The following FARS2 variants were observed in gnomAD, a reference collection of about 807,000 sequenced individuals.
FARS2 encodes phenylalanyl-tRNA synthetase 2, mitochondrial, also known as phenylalanine--tRNA ligase, mitochondrial.
Under a neutral mutation model 46.4 loss-of-function variants are expected in FARS2, and 40 were observed. The ratio of observed to expected loss-of-function variants is 0.86; its 90% CI spans 0.67 to 1.12. FARS2 has a LOEUF of 1.12. Among genes scored for constraint, FARS2 ranks in the 50% most tolerant of loss-of-function variants. FARS2 has a pLI of 0.00. For missense variants in FARS2, 513 were observed against 567.9 expected (o/e 0.90, Z 0.98); for synonymous variants, 234 against 214.9 (o/e 1.09, Z -0.78).
chr6:5,390,326 G>A (rs17133279), intron 2 of FARS2, among the ~76,000 whole-genome samples: 11,410 of 152,242 alleles, frequency 0.075, 887 homozygotes, highest in African/African-American at 0.2. Context: ...TTTCATCAGC[G>A]TTAGGATTAA....
chr6:5,611,801 G>T (rs562434227), intron 5 of FARS2, among the ~76,000 whole-genome samples: 1 of 152,158 alleles, frequency 6.6e-6, no homozygotes, highest in African/African-American at 2.4e-5. Context: ...TGTTTCATTG[G>T]GACACCTTCT....
intron 6 of FARS2, among the ~76,000 whole-genome samples, chr6:5,672,953 A>T (rs1446849107): frequency 6.6e-6 from 1 of 152,128 alleles, no homozygotes; most frequent in Non-Finnish European, 1.5e-5. Context: ...GTGACACCCT[A>T]GCCATTTGTT....
At chr6:5,590,057 T>G (rs574883135) in intron 5 of FARS2, among the ~76,000 whole-genome samples, 7 of 152,306 alleles carry the variant, frequency 4.6e-5, no homozygotes, top group Admixed American at 2.6e-4. Flanking sequence ...CCTAAGGTGG[T>G]TTTTGAAGAT....
At chr6:5,550,768 G>A (rs973118552) in intron 5 of FARS2, among the ~76,000 whole-genome samples, 14 of 152,090 alleles carry the variant, frequency 9.2e-5, no homozygotes, top group African/African-American at 3.1e-4. Context: ...TTATATCATA[G>A]GGATTCATTC....
intron 5 of FARS2, among the ~76,000 whole-genome samples, chr6:5,561,982 G>A (rs1197518258): frequency 6.6e-6 from 1 of 151,670 alleles, no homozygotes; most frequent in Non-Finnish European, 1.5e-5. Flanking sequence ...TTTAATTTCT[G>A]TCTGATTTTG....
intron 4 of FARS2, among the ~76,000 whole-genome samples, chr6:5,450,030 G>A (rs2150262115): frequency 6.6e-6 from 1 of 152,312 alleles, no homozygotes; most frequent in South Asian, 2.1e-4. Context: ...CATGGGTTTT[G>A]CATCCTGCAA....
chr6:5,334,512 A>C (rs564938405), intron 1 of FARS2, among the ~76,000 whole-genome samples: 1 of 152,206 alleles, frequency 6.6e-6, no homozygotes, highest in Non-Finnish European at 1.5e-5. Flanking sequence ...CTTTTGTATG[A>C]TGGAATACTT....
chr6:5,572,664 C>A (rs1434020255), intron 5 of FARS2, among the ~76,000 whole-genome samples: 1 of 152,058 alleles, frequency 6.6e-6, no homozygotes, highest in Non-Finnish European at 1.5e-5. Flanking sequence ...GAACTTAGAC[C>A]ATCTGACATG....
intron 4 of FARS2, among the ~76,000 whole-genome samples, chr6:5,463,551 T>C (rs1047557779): frequency 6.6e-6 from 1 of 152,260 alleles, no homozygotes; most frequent in African/African-American, 2.4e-5. Context: ...AGCATTGTTA[T>C]GTTATTATAC....
upstream of FARS2, among the ~76,000 whole-genome samples, chr6:5,256,450 A>G (rs182230085): frequency 1.9e-3 from 244 of 127,516 alleles, 3 homozygotes; most frequent in African/African-American, 6.5e-3. Flanking sequence ...AGATCGCACC[A>G]TTGCCCTCCA....
intron 5 of FARS2, among the ~76,000 whole-genome samples, chr6:5,560,810 G>A (rs1771938879): frequency 6.6e-6 from 1 of 152,028 alleles, no homozygotes; most frequent in South Asian, 2.1e-4. Flanking sequence ...TTTTTCTAGG[G>A]AATTGTCTGT....
At chr6:5,388,485 C>G (rs765776689) in intron 2 of FARS2, among the ~76,000 whole-genome samples, 3 of 152,166 alleles carry the variant, frequency 2.0e-5, no homozygotes, top group East Asian at 1.9e-4. Context: ...AAATAGTTCT[C>G]TATGTCTTTG....
chr6:5,742,149 T>G (rs888803147), intron 6 of FARS2, among the ~76,000 whole-genome samples: 1 of 152,120 alleles, frequency 6.6e-6, no homozygotes, highest in Non-Finnish European at 1.5e-5. Flanking sequence ...GCCCCAGGAT[T>G]GCCTGCTCCT....
chr6:5,710,343 A>G (rs1759064066), intron 6 of FARS2, among the ~76,000 whole-genome samples: 1 of 152,254 alleles, frequency 6.6e-6, no homozygotes, highest in Non-Finnish European at 1.5e-5. Flanking sequence ...GCTAAATGGG[A>G]CCCTTTGTGT....
chr6:5,418,063 T>C (rs937386439), intron 3 of FARS2, among the ~76,000 whole-genome samples: 1 of 152,244 alleles, frequency 6.6e-6, no homozygotes, highest in Non-Finnish European at 1.5e-5. Flanking sequence ...TGGATCTTTT[T>C]AATATCATCC....
In FARS2 at chr6:5,765,429, T is replaced by C. The variant is rs979031060; in HGVS notation, c.1218-5862T>C. On this transcript the variant is annotated intron_variant, in intron 6 of 6. Coordinates refer to ENST00000274680, the MANE Select transcript of FARS2 (RefSeq NM_006567.5). The surrounding 1 kb of genome is among the most constrained non-coding windows in gnomAD (Gnocchi z 4.0). ...AGAGGTGGGCCCTGGGCACAGCATG[T>C]ACTATGGCATCGCTCATCACCTGCC... is the stretch of plus-strand genomic sequence containing the variant. Among the ~76,000 whole-genome samples, 1 of 152,190 alleles carries C rather than the reference T, an allele frequency of 6.6e-6. No homozygotes were observed. Among genetic ancestry groups the C allele is most frequent in the African/African-American group, 2.4e-5 (1 of 41,448 alleles).
intron 4 of FARS2, among the ~76,000 whole-genome samples, chr6:5,477,799 G>A (rs911325657): frequency 6.6e-6 from 1 of 152,094 alleles, no homozygotes; most frequent in Non-Finnish European, 1.5e-5. Flanking sequence ...TGGGAGGATG[G>A]CTTGAGACCA....
chr6:5,325,953 ATC>A (rs1770346385), intron 1 of FARS2, among the ~76,000 whole-genome samples: 1 of 152,234 alleles, frequency 6.6e-6, no homozygotes, highest in South Asian at 2.1e-4. Context: ...GAGATGGAAA[ATC>A]TCACAATATA....
intron 4 of FARS2, among the ~76,000 whole-genome samples, chr6:5,479,290 G>T (rs1766306912): frequency 6.6e-6 from 1 of 152,142 alleles, no homozygotes; most frequent in Non-Finnish European, 1.5e-5. Context: ...CTTTCTTGTT[G>T]GCATTGTTAG....
Sources: gnomAD v4.1 joint callset for allele counts (sites outside exome capture counted in the v4.1 genomes callset) on GRCh38, gnomAD v4.1.1 for gene constraint, Gnocchi (gnomAD v3.1) non-coding constraint, MANE v1.5 for transcripts, NCBI Gene and HGNC (gene_info 2026-07-23, HGNC 2026-07-21) for gene names.